Variants in NIN observed in about 807,000 individuals in gnomAD.
NIN encodes ninein, also known as glycogen synthase kinase 3 beta-interacting protein.
Under a neutral mutation model 257.6 loss-of-function variants are expected in NIN, and 137 were observed. The observed-to-expected ratio is 0.53, with a 90% confidence interval of 0.46 to 0.61. The LOEUF (loss-of-function observed/expected upper bound fraction) is 0.61. NIN is among the 20% of genes least tolerant of loss of function. NIN has a pLI of 0.00. For missense variants in NIN, 2,439 were observed against 2,501.2 expected (o/e 0.98, Z 0.53); for synonymous variants, 918 against 919.8 (o/e 1.00, Z 0.04).
chr14:50,768,774 C>T (rs975657061), intron 12 of NIN, among the ~76,000 whole-genome samples: 1 of 152,184 alleles, frequency 6.6e-6, no homozygotes, highest in Non-Finnish European at 1.5e-5. Context: ...AGCTAAGTAA[C>T]TGGTAGCCAT....
chr14:50,766,298 T>C lies in NIN; in HGVS notation c.1635+9A>G. ...TCCTGCACTTACTCAGTTCTCTTTG[T>C]CTACCTACCCTGCACTGCCGCTCAT... On this transcript the variant is annotated intron_variant, in intron 14 of 30. Transcript: ENST00000530997. The C allele has an allele frequency of 4.3e-6, 7 of 1,610,666 alleles. No homozygotes were observed. Among genetic ancestry groups the C allele is most frequent in the Non-Finnish European group, 5.9e-6 (7 of 1,176,890 alleles).
At chr14:50,762,658 G>T (rs952706066) in intron 15 of NIN, among the ~76,000 whole-genome samples, 1 of 152,162 alleles carries the variant, frequency 6.6e-6, no homozygotes, top group Admixed American at 6.5e-5. Context: ...GACTGAGAAT[G>T]ACACTGAAAA....
At chr14:50,801,514 C>T (rs1275605094) in intron 4 of NIN, among the ~76,000 whole-genome samples, 1 of 152,212 alleles carries the variant, frequency 6.6e-6, no homozygotes, top group Non-Finnish European at 1.5e-5. Context: ...ACAGAACGAG[C>T]CTTTGGGCCA....
intron 18 of NIN, among the ~76,000 whole-genome samples, chr14:50,755,648 CTT>C (rs71118900): frequency 0.13 from 9,792 of 77,498 alleles, 779 homozygotes; most frequent in Non-Finnish European, 0.16. Flanking sequence ...TGTTTTGTCT[CTT>C]TTTTTTTTTT....
At position 50,757,601 on chromosome 14, in the gene NIN, G is replaced by A. The variant is rs2042088622; in HGVS notation, c.3429C>T (p.Val1143=). The A allele has an allele frequency of 1.9e-6, 3 of 1,614,054 alleles. No individual in the cohort carries two copies. Among genetic ancestry groups the A allele is most frequent in the Non-Finnish European group, 8.5e-7 (1 of 1,180,018 alleles). The part of the protein sequence containing the change: ...KQVEGVTRRH[V]LSDLEDDEVR... ...CCTCATCATCTTCCAGGTCACTTAG[G>A]ACATGCCGCCTGGTCACACCTTCTA... is the stretch of plus-strand genomic sequence containing the variant. The change falls in exon 18 of 31, where the codon GTC becomes GTT. Residue 1143 remains valine, a synonymous_variant. Transcript: ENST00000530997.
intron 2 of NIN, among the ~76,000 whole-genome samples, chr14:50,826,942 A>G (rs1442811769): frequency 6.6e-6 from 1 of 152,160 alleles, no homozygotes; most frequent in African/African-American, 2.4e-5. Context: ...GGGTCCACAG[A>G]CTAGGCAGTG....
In NIN at chr14:50,757,643, T is replaced by C. The variant is rs776759218; in HGVS notation, c.3387A>G (p.Gln1129=). The C allele has an allele frequency of 6.2e-7, 1 of 1,614,176 alleles. No homozygotes were observed. ...CACCTTCTACTTGCTTCGTTCGGTT[T>C]TGCTGTAAAAACTGCTCTGTTTGTT... ...TAEQTEQFLQ[Q]NRTKQVEGVT... Residue 1129 remains glutamine, a synonymous_variant, in exon 18 of 31, where the codon CAA becomes CAG. Transcript: ENST00000530997.
At chr14:50,752,134 G>A (rs924300810) in intron 21 of NIN, among the ~76,000 whole-genome samples, 9 of 145,606 alleles carry the variant, frequency 6.2e-5, no homozygotes, top group South Asian at 2.1e-4. Context: ...AAATTCACCC[G>A]TATTTTCTTC....
At chr14:50,770,808 G>C in intron 11 of NIN, 44 bp downstream of exon 11, 1 of 1,591,064 alleles carries the variant, frequency 6.3e-7, no homozygotes, top group Admixed American at 1.7e-5. Context: ...ACTGCCCTGG[G>C]CCAGGGTGGT....
intron 3 of NIN, among the ~76,000 whole-genome samples, chr14:50,813,323 T>C (rs1228531909): frequency 1.3e-5 from 2 of 152,268 alleles, no homozygotes; most frequent in African/African-American, 4.8e-5. Flanking sequence ...TTGGTACCTC[T>C]TCATTTGAAT....
At chr14:50,726,935 T>C (rs1000378463) in intron 29 of NIN, among the ~76,000 whole-genome samples, 4 of 152,210 alleles carry the variant, frequency 2.6e-5, no homozygotes, top group Non-Finnish European at 5.9e-5. Flanking sequence ...TCTGTTTAGA[T>C]ACTAAGTAGT....
chr14:50,730,978 T>C (rs1393075523), intron 28 of NIN: 1 of 1,341,574 alleles, frequency 7.5e-7, no homozygotes, highest in African/African-American at 1.5e-5. Flanking sequence ...TTCCAACCAC[T>C]GAGTTCTAGG....
intron 18 of NIN, among the ~76,000 whole-genome samples, chr14:50,756,088 A>C (rs2042013111): frequency 6.6e-6 from 1 of 152,156 alleles, no homozygotes; most frequent in African/African-American, 2.4e-5. Context: ...TAAGTTAATA[A>C]TACACAAAAA....
chr14:50,769,009 T>G (rs1263619289), intron 12 of NIN, among the ~76,000 whole-genome samples: 1 of 152,168 alleles, frequency 6.6e-6, no homozygotes, highest in African/African-American at 2.4e-5. Context: ...ATGGTGTTGA[T>G]GTTGATTGGG....
chr14:50,779,921 A>C (rs1481272152), intron 5 of NIN, among the ~76,000 whole-genome samples: 1 of 152,234 alleles, frequency 6.6e-6, no homozygotes, highest in Non-Finnish European at 1.5e-5. Context: ...AAATTACATT[A>C]AAGGCAGTTC....
rs1242596213 is a variant in NIN, at chr14:50,811,236, G to A, written c.184-4418C>T. On this transcript the variant is annotated intron_variant, in intron 3 of 30. Transcript: ENST00000530997. ...CAATTCTCCTGCCTCAGCCTCATGA[G>A]TAGCTGGGATTACAGGCGCCCACCA... 2.6e-5 allele frequency among the ~76,000 whole-genome samples: 4 copies of A among 151,478 alleles called. No homozygotes were observed. In the East Asian group the frequency reaches 7.8e-4, roughly 30 times the overall value.
chr14:50,785,310 C>A (rs914149047), intron 5 of NIN, among the ~76,000 whole-genome samples: 2 of 152,238 alleles, frequency 1.3e-5, no homozygotes, highest in African/African-American at 4.8e-5. Context: ...CCACAATAGC[C>A]CAGCCGCCAC....
At chr14:50,753,541 A>T (rs1188452902) in intron 20 of NIN, among the ~76,000 whole-genome samples, 1 of 152,248 alleles carries the variant, frequency 6.6e-6, no homozygotes, top group African/African-American at 2.4e-5. Flanking sequence ...TAAAGTTTTT[A>T]AAATCATTAT....
At chr14:50,828,980 G>A (rs1272052228) in intron 2 of NIN, among the ~76,000 whole-genome samples, 1 of 152,150 alleles carries the variant, frequency 6.6e-6, no homozygotes, top group Non-Finnish European at 1.5e-5. Context: ...ACTGTATGAT[G>A]GCTTCCTCTC....
Sources: gnomAD v4.1 joint callset for allele counts (sites outside exome capture counted in the v4.1 genomes callset) on GRCh38, gnomAD v4.1.1 for gene constraint, MANE v1.5 for transcripts, NCBI Gene and HGNC (gene_info 2026-07-23, HGNC 2026-07-21) for gene names.